Variants in ANKS1B observed in about 807,000 individuals in gnomAD.
The protein encoded by ANKS1B is ankyrin repeat and sterile alpha motif domain containing 1B, also known as ankyrin repeat and sterile alpha motif domain-containing protein 1B.
Under a neutral mutation model 148.3 loss-of-function variants are expected in ANKS1B, and 36 were observed. The ratio of observed to expected loss-of-function variants is 0.24; its 90% confidence interval spans 0.19 to 0.32. ANKS1B has a LOEUF of 0.32. Among genes scored for constraint, ANKS1B ranks in the 10% least tolerant of loss-of-function variants. ANKS1B has a pLI of 1.00. For synonymous variants in ANKS1B, 542 were observed against 560.8 expected, an observed-to-expected ratio of 0.97 and a Z score of 0.47; for missense variants, 1,157 against 1,542.6, an observed-to-expected ratio of 0.75 and a Z score of 4.19.
At chr12:99,293,696 T>G (rs566825726) in intron 12 of ANKS1B, among the ~76,000 whole-genome samples, 1 of 152,166 alleles carries the variant, frequency 6.6e-6, no homozygotes, top group African/African-American at 2.4e-5. Context: ...GTTAAAAAGC[T>G]TCTGCAAAGC....
chr12:98,845,564 T>C (rs2099452097), intron 17 of ANKS1B, among the ~76,000 whole-genome samples: 1 of 152,192 alleles, frequency 6.6e-6, no homozygotes, highest in Non-Finnish European at 1.5e-5. Context: ...TTAATATACC[T>C]AGTGCAGAAA....
chr12:99,143,169 T>G (rs778230007), intron 15 of ANKS1B, among the ~76,000 whole-genome samples: 1 of 152,118 alleles, frequency 6.6e-6, no homozygotes, highest in Non-Finnish European at 1.5e-5. Context: ...TCTTTCAATA[T>G]GAATTCTAAT....
intron 12 of ANKS1B, among the ~76,000 whole-genome samples, chr12:99,391,529 A>G (rs145157598): frequency 6.6e-6 from 1 of 152,240 alleles, no homozygotes; most frequent in East Asian, 1.9e-4. Context: ...CATTGTTGGC[A>G]TGAGATCAGT....
chr12:98,870,284 C>T (rs926133228), intron 17 of ANKS1B, among the ~76,000 whole-genome samples: 1 of 152,198 alleles, frequency 6.6e-6, no homozygotes, highest in Non-Finnish European at 1.5e-5. Flanking sequence ...GCTATGCATT[C>T]CCAGAGCAGT....
intron 15 of ANKS1B, among the ~76,000 whole-genome samples, chr12:99,143,979 C>A (rs1488582485): frequency 6.6e-6 from 1 of 152,026 alleles, no homozygotes; most frequent in Non-Finnish European, 1.5e-5. Context: ...TGCTTTGGAC[C>A]ATATATTTAG....
chr12:99,069,267 C>T (rs965727819), intron 16 of ANKS1B, among the ~76,000 whole-genome samples: 2 of 152,106 alleles, frequency 1.3e-5, no homozygotes, highest in African/African-American at 2.4e-5. Flanking sequence ...GTCTACATCA[C>T]GTGGCACTCA....
chr12:99,273,839 C>A (rs1381069389), intron 12 of ANKS1B, among the ~76,000 whole-genome samples: 1 of 152,066 alleles, frequency 6.6e-6, no homozygotes, highest in East Asian at 1.9e-4. Flanking sequence ...CCTGCCTCGG[C>A]CTCCCAAAGT....
Position 99,244,266 on chromosome 12 carries a change from T to C in ANKS1B, c.2419+76A>G, listed in dbSNP as rs1178906816. 5 of 999,654 alleles carry C rather than the reference T, an allele frequency of 5.0e-6. No homozygotes were observed. In the Admixed American group the frequency reaches 1.1e-4, roughly 22 times the overall value. 61.9% of individuals were successfully genotyped at this position (999,654 alleles called of 1,614,324 possible). On this transcript the variant is annotated intron_variant, in intron 14 of 26. Transcript: ENST00000683438. ...TGTTATAATGAAAAAAATGCAATTATCTAAAGATTCCTATCATTTTCTCAC... is the reference window on the plus strand; with the variant it reads ...TGTTATAATGAAAAAAATGCAATTACCTAAAGATTCCTATCATTTTCTCAC...
chr12:98,794,365 CT>C, intron 22 of ANKS1B: 1 of 210,080 alleles, frequency 4.8e-6, no homozygotes. Context: ...GCACTCCAGC[CT>C]GGGTGACAAG....
intron 17 of ANKS1B, among the ~76,000 whole-genome samples, chr12:99,031,216 C>T (rs2099951929): frequency 6.6e-6 from 1 of 152,112 alleles, no homozygotes; most frequent in African/African-American, 2.4e-5. Context: ...AGACATATTC[C>T]AAGTCAAATT....
chr12:99,572,823 G>T (rs1245758548), intron 9 of ANKS1B, among the ~76,000 whole-genome samples: 1 of 151,692 alleles, frequency 6.6e-6, no homozygotes, highest in East Asian at 1.9e-4. Flanking sequence ...TTTGTATAAG[G>T]CTTTAATTTA....
chr12:99,670,215 T>A (rs1393873280), intron 8 of ANKS1B, among the ~76,000 whole-genome samples: 1 of 152,170 alleles, frequency 6.6e-6, no homozygotes, highest in Admixed American at 6.6e-5. Context: ...CCCTCAAACA[T>A]ATTAATATTC....
chr12:99,785,066 G>A (rs1039964325), intron 4 of ANKS1B, among the ~76,000 whole-genome samples: 2 of 152,182 alleles, frequency 1.3e-5, no homozygotes, highest in Non-Finnish European at 2.9e-5. Context: ...GAAGTGGAGG[G>A]AGGGAAGAAC....
chr12:99,569,621 C>T (rs117864935), intron 9 of ANKS1B, among the ~76,000 whole-genome samples: 4,408 of 152,244 alleles, frequency 0.029, 96 homozygotes, highest in Non-Finnish European at 0.046. Flanking sequence ...ATTCTCCAAG[C>T]GGCTGGAAGA....
intron 21 of ANKS1B, among the ~76,000 whole-genome samples, chr12:98,800,270 C>G (rs965180334): frequency 6.8e-6 from 1 of 148,042 alleles, no homozygotes; most frequent in African/African-American, 2.5e-5. Flanking sequence ...CAATGTCCAT[C>G]TAAATCAAAT....
rs373982844 is a variant in ANKS1B at position 99,688,172 on chromosome 12, G to GTA, written c.1129-32964_1129-32963dup. ...CTGTGGGAGCTCTGAGAACCGCTGA[G>GTA]TATTGCTTTTCAGTGGGTCCTTCCC... is the stretch of plus-strand genomic sequence containing the variant. On this transcript the variant is annotated intron_variant, in intron 8 of 26. Coordinates refer to ENST00000683438, the MANE Select transcript of ANKS1B (RefSeq NM_001352186.2). Among the ~76,000 whole-genome samples the GTA allele has an allele frequency of 2.0e-3, 312 of 152,286 alleles. 1 individual carries two copies. Among genetic ancestry groups the GTA allele is most frequent in the African/African-American group, 6.9e-3 (288 of 41,558 alleles).
chr12:99,777,868 G>A (rs2063822262), intron 6 of ANKS1B, among the ~76,000 whole-genome samples: 1 of 151,370 alleles, frequency 6.6e-6, no homozygotes, highest in Non-Finnish European at 1.5e-5. Context: ...ACAGGCATGA[G>A]CCATCGCGCC....
intron 1 of ANKS1B, among the ~76,000 whole-genome samples, chr12:99,866,233 T>G (rs73374361): frequency 0.036 from 5,413 of 152,232 alleles, 281 homozygotes; most frequent in African/African-American, 0.12. Context: ...TTAAAGCCAT[T>G]TTGCCTAACT....
chr12:99,039,776 G>A (rs1376848962), intron 17 of ANKS1B, among the ~76,000 whole-genome samples: 1 of 152,192 alleles, frequency 6.6e-6, no homozygotes, highest in Non-Finnish European at 1.5e-5. Flanking sequence ...TGCCATGCTG[G>A]TGCGCTGCAC....
Sources: gnomAD v4.1 joint callset for allele counts (sites outside exome capture counted in the v4.1 genomes callset) on GRCh38, gnomAD v4.1.1 for gene constraint, MANE v1.5 for transcripts, NCBI Gene and HGNC (gene_info 2026-07-23, HGNC 2026-07-21) for gene names.